FGF13: variants seen among roughly 807,000 people sequenced by gnomAD.
FGF13 encodes fibroblast growth factor 13.
A neutral mutation model predicts 19.5 loss-of-function variants in FGF13; 2 were observed. The observed-to-expected ratio is 0.10, with a 90% CI of 0.04 to 0.32. The LOEUF is 0.32. Among genes scored for constraint, FGF13 ranks in the 10% least tolerant of loss-of-function variants. The pLI, the probability that FGF13 is intolerant of heterozygous loss-of-function variation, is 1.00. For synonymous variants in FGF13, 72 were observed against 76.9 expected, an observed-to-expected ratio of 0.94 and a Z score of 0.33; for missense variants, 113 against 192.7, an observed-to-expected ratio of 0.59 and a Z score of 2.45.
At chrX:139,031,438 A>G (rs748759800) in intron 1 of FGF13, among the ~76,000 whole-genome samples, 1 of 110,940 alleles carries the variant, frequency 9.0e-6, no homozygotes, top group Admixed American at 9.6e-5. Context: ...TAGGGAACTG[A>G]CATTTTTACC....
chrX:138,914,886 T>G (rs2091610501), intron 1 of FGF13, among the ~76,000 whole-genome samples: 1 of 111,154 alleles, frequency 9.0e-6, no homozygotes. Context: ...ACTCCACTGG[T>G]AACCACTTGG....
At chrX:139,179,053 T>A (rs1010075637) in intron 1 of FGF13, among the ~76,000 whole-genome samples, 5 of 112,550 alleles carry the variant, frequency 4.4e-5, no homozygotes, top group African/African-American at 1.6e-4. Context: ...GATCAATAAC[T>A]AACACATGAA....
At chrX:138,915,533 T>C (rs1043213695) in intron 1 of FGF13, among the ~76,000 whole-genome samples, 10 of 111,813 alleles carry the variant, frequency 8.9e-5, no homozygotes, top group Non-Finnish European at 1.9e-5. Context: ...CCTCATTTTT[T>C]CAAGACTCAA....
chrX:138,998,681 A>G (rs997254046), intron 1 of FGF13, among the ~76,000 whole-genome samples: 10 of 111,876 alleles, frequency 8.9e-5, no homozygotes, highest in Non-Finnish European at 1.7e-4. Context: ...CCAGATTCAT[A>G]AGGCAAATCC....
chrX:138,981,600 T>C (rs756224575), intron 1 of FGF13, among the ~76,000 whole-genome samples: 1 of 110,878 alleles, frequency 9.0e-6, no homozygotes, highest in Non-Finnish European at 1.9e-5. Flanking sequence ...TCAATCAGCC[T>C]GCTCCATCAG....
intron 3 of FGF13, among the ~76,000 whole-genome samples, chrX:138,783,614 G>C (rs1292885944): frequency 5.6e-4 from 55 of 98,811 alleles, no homozygotes; most frequent in African/African-American, 1.9e-3. Context: ...ACCACAATGA[G>C]ATACCATCTC....
At chrX:138,853,907 A>G (rs2091241696), downstream of FGF13, among the ~76,000 whole-genome samples, 1 of 111,667 alleles carries the variant, frequency 9.0e-6, no homozygotes, top group Non-Finnish European at 1.9e-5. Flanking sequence ...CATCAGTAAA[A>G]GTCCAAGGAG....
chrX:138,658,377 C>T (rs2089457202), intron 3 of FGF13, among the ~76,000 whole-genome samples: 1 of 112,099 alleles, frequency 8.9e-6, no homozygotes, highest in Non-Finnish European at 1.9e-5. Flanking sequence ...TCCTTAAAAC[C>T]TCTTTTCTTT....
intron 1 of FGF13, among the ~76,000 whole-genome samples, chrX:139,155,817 G>A (rs776925073): frequency 1.8e-5 from 2 of 111,912 alleles, no homozygotes; most frequent in Non-Finnish European, 3.8e-5. Flanking sequence ...CTTAACATGA[G>A]CTCCCAAAGA....
rs1312127517 is a variant in FGF13, at chrX:138,965,950, T to C, written c.-112-101300A>G. ...TTTGATATATCAAATCTATCAGTCATTTTCTTTGTGATTTCTGCTTTGGCT... is the reference window on the plus strand; with the variant it reads ...TTTGATATATCAAATCTATCAGTCACTTTCTTTGTGATTTCTGCTTTGGCT... On this transcript the variant is annotated intron_variant, in intron 1 of 2. Transcript: ENST00000421460. 2.7e-5 allele frequency among the ~76,000 whole-genome samples: 3 copies of C among 112,801 alleles called. No homozygotes were observed. In the East Asian group the frequency reaches 8.4e-4, roughly 32 times the overall value.
intron 3 of FGF13, among the ~76,000 whole-genome samples, chrX:138,677,448 C>A (rs1182056324): frequency 9.1e-6 from 1 of 110,441 alleles, no homozygotes; most frequent in South Asian, 3.9e-4. Context: ...GGCTAATATC[C>A]AGAATCTACA....
chrX:138,928,707 C>G (rs1415199762), intron 1 of FGF13, among the ~76,000 whole-genome samples: 2 of 111,955 alleles, frequency 1.8e-5, no homozygotes, highest in Non-Finnish European at 3.8e-5. Context: ...ATGCTCACTC[C>G]AGTCCCACAC....
chrX:138,640,415 G>A (rs2089237068), intron 3 of FGF13, among the ~76,000 whole-genome samples: 1 of 112,279 alleles, frequency 8.9e-6, no homozygotes, highest in South Asian at 3.7e-4. Flanking sequence ...AAAGGCTTGG[G>A]AGCAATATAA....
intron 1 of FGF13, among the ~76,000 whole-genome samples, chrX:138,924,927 G>T (rs28527350): frequency 0.021 from 2,343 of 110,609 alleles, 63 homozygotes; most frequent in African/African-American, 0.071. Flanking sequence ...TAATTGAGAA[G>T]TGATCAGCCA....
intron 1 of FGF13, among the ~76,000 whole-genome samples, chrX:138,992,374 G>C (rs1303873316): frequency 9.0e-6 from 1 of 111,054 alleles, no homozygotes; most frequent in African/African-American, 3.3e-5. Flanking sequence ...AGTTATTTTT[G>C]CATATGGAAT....
At position 138,622,323 on chromosome X, in the gene FGF13, A is replaced by G. The variant is rs1220262530; in HGVS notation, c.*10527T>C. ...AACATACTCAAATCAATAAATATGAACAATAAGACAATGAAGGATAATAAT... is the reference window on the plus strand; with the variant it reads ...AACATACTCAAATCAATAAATATGAGCAATAAGACAATGAAGGATAATAAT... On this transcript the variant is annotated 3_prime_UTR_variant, in exon 5 of 5. Coordinates refer to ENST00000315930, the MANE Select transcript of FGF13 (RefSeq NM_004114.5). 6 of 111,818 alleles carry G rather than the reference A, an allele frequency of 5.4e-5. No individual in the cohort carries two copies. 9.2% of individuals were successfully genotyped at this position (111,818 alleles called of 1,213,427 possible). A position where few individuals can be genotyped will look rare whatever the true frequency, so the allele number is the denominator to read the frequency against.
At chrX:138,960,330 A>C (rs1470509863) in intron 1 of FGF13, among the ~76,000 whole-genome samples, 1 of 111,709 alleles carries the variant, frequency 9.0e-6, no homozygotes, top group Non-Finnish European at 1.9e-5. Context: ...TCTTTTCTTT[A>C]AGAATGTTGA....
At chrX:138,799,637 T>C (rs960773713) in intron 3 of FGF13, among the ~76,000 whole-genome samples, 18 of 111,359 alleles carry the variant, frequency 1.6e-4, no homozygotes, top group Non-Finnish European at 5.7e-5. Context: ...GTCTCATTGA[T>C]CTGTCTAATA....
In FGF13 at chrX:138,723,643, A is replaced by T. The variant is rs185105675; in HGVS notation, c.29-14715T>A. On this transcript the variant is annotated intron_variant, in intron 1 of 4. Coordinates refer to the FGF13 transcript ENST00000305414. Reference sequence around the variant, plus strand: ...AATTCTGTTCAGTAACAACTTAATTAAGTCTCGAGGGGAAAAAAAGGTCAA... The same window carrying T: ...AATTCTGTTCAGTAACAACTTAATTTAGTCTCGAGGGGAAAAAAAGGTCAA... Among the ~76,000 whole-genome samples the T allele has an allele frequency of 8.0e-5, 9 of 111,861 alleles. No individual in the cohort carries two copies. In the Admixed American group the frequency reaches 8.6e-4, roughly 11 times the overall value.
Sources: allele counts gnomAD v4.1 joint callset (sites outside exome capture counted in the v4.1 genomes callset), GRCh38; gene constraint gnomAD v4.1.1; transcripts MANE v1.5; gene names NCBI Gene and HGNC (gene_info 2026-07-23, HGNC 2026-07-21).